Variants in SLC8A3 observed in about 807,000 individuals in gnomAD.
SLC8A3 encodes solute carrier family 8 member A3.
Under a neutral mutation model 65.4 loss-of-function variants are expected in SLC8A3, and 37 were observed. The ratio of observed to expected loss-of-function variants is 0.57; its 90% CI spans 0.44 to 0.74. The LOEUF is 0.74. Among genes scored for constraint, SLC8A3 ranks in the 30% least tolerant of loss-of-function variants. The probability of loss-of-function intolerance (pLI) is 0.00; values close to 1 mark genes in which losing one functional copy is unlikely to be tolerated. For synonymous variants in SLC8A3, 461 were observed against 444.5 expected (o/e 1.04, Z -0.47); for missense variants, 1,112 against 1,172.1 (o/e 0.95, Z 0.75).
At chr14:70,066,824 A>C (rs1490152322) in intron 2 of SLC8A3, among the ~76,000 whole-genome samples, 2 of 152,142 alleles carry the variant, frequency 1.3e-5, no homozygotes, top group Non-Finnish European at 2.9e-5. Context: ...GCAAAACAAA[A>C]CAAACAACAA....
chr14:70,095,382 T>C (rs1892101245), intron 2 of SLC8A3, among the ~76,000 whole-genome samples: 1 of 152,206 alleles, frequency 6.6e-6, no homozygotes, highest in African/African-American at 2.4e-5. Context: ...TGACCTAGCA[T>C]TGACACAAAG....
At chr14:70,098,460 T>A (rs1892338031) in intron 2 of SLC8A3, among the ~76,000 whole-genome samples, 2 of 152,154 alleles carry the variant, frequency 1.3e-5, no homozygotes, top group African/African-American at 4.8e-5. Context: ...GAAACAAGAT[T>A]CCTTTTGCCA....
rs370657159 is a variant in SLC8A3 at position 70,139,959 on chromosome 14, C to A, written c.1784+26680G>T. 1.8e-4 allele frequency among the ~76,000 whole-genome samples: 27 copies of A among 152,292 alleles called. No homozygotes were observed. The South Asian group carries it at 5.4e-3, about 30-fold the overall frequency. Reference sequence around the variant, plus strand: ...CTCTGCAAGTTCGTTGAATCATGAACTTGGTTAACATCAGAGTAGGGAGTT... The same window carrying A: ...CTCTGCAAGTTCGTTGAATCATGAAATTGGTTAACATCAGAGTAGGGAGTT... On this transcript the variant is annotated intron_variant, in intron 2 of 6. Coordinates refer to ENST00000356921, the MANE Select transcript of SLC8A3 (RefSeq NM_182932.3).
chr14:70,153,486 C>A (rs1405264023), intron 2 of SLC8A3, among the ~76,000 whole-genome samples: 2 of 152,140 alleles, frequency 1.3e-5, no homozygotes, highest in African/African-American at 4.8e-5. Context: ...TGACGCCAAA[C>A]TGAATCCCTG....
chr14:70,130,932 T>G (rs141675657), intron 2 of SLC8A3, among the ~76,000 whole-genome samples: 3 of 152,190 alleles, frequency 2.0e-5, no homozygotes, highest in Non-Finnish European at 4.4e-5. Context: ...TGGCTAGAGA[T>G]GCAGATTTGA....
At position 70,088,289 on chromosome 14, in the gene SLC8A3, C is replaced by G. The variant is rs529418970; in HGVS notation, c.1785-27350G>C. Among the ~76,000 whole-genome samples the G allele has an allele frequency of 1.1e-4, 17 of 152,232 alleles. No individual in the cohort carries two copies. The East Asian group carries it at 3.3e-3, about 29-fold the overall frequency. ...AAAGCCCCTTATCTAAATAGGAGTC[C>G]CTTGAGAATAGAATTCATCTAGGTA... On this transcript the variant is annotated intron_variant, in intron 2 of 6. Transcript: ENST00000356921.
intron 1 of SLC8A3, among the ~76,000 whole-genome samples, chr14:70,174,673 T>TG (rs1566833620): frequency 5.9e-4 from 74 of 125,974 alleles, no homozygotes; most frequent in Non-Finnish European, 8.3e-4. Context: ...TTTTTTTTTT[T>TG]TTTTTTTTTT....
chr14:70,154,753 A>G (rs1314516165), intron 2 of SLC8A3, among the ~76,000 whole-genome samples: 1 of 152,286 alleles, frequency 6.6e-6, no homozygotes, highest in East Asian at 1.9e-4. Flanking sequence ...TAATGGTTAC[A>G]TATGTTTTGT....
At chr14:70,174,425 C>G (rs1897738891) in intron 1 of SLC8A3, among the ~76,000 whole-genome samples, 1 of 152,134 alleles carries the variant, frequency 6.6e-6, no homozygotes, top group Non-Finnish European at 1.5e-5. Context: ...ATAGTTCCTT[C>G]CAGTCAAACA....
chr14:70,156,520 T>A (rs1032775853), intron 2 of SLC8A3, among the ~76,000 whole-genome samples: 1 of 152,196 alleles, frequency 6.6e-6, no homozygotes, highest in African/African-American at 2.4e-5. Context: ...GCCCCCTGGA[T>A]GGCCACTACT....
intron 2 of SLC8A3, among the ~76,000 whole-genome samples, chr14:70,094,915 A>G (rs941821537): frequency 1.3e-5 from 2 of 152,242 alleles, no homozygotes; most frequent in African/African-American, 4.8e-5. Flanking sequence ...GAGGAAATGA[A>G]GCAGACAGCA....
At chr14:70,083,485 G>C (rs1457203932) in intron 2 of SLC8A3, among the ~76,000 whole-genome samples, 1 of 152,226 alleles carries the variant, frequency 6.6e-6, no homozygotes, top group Non-Finnish European at 1.5e-5. Context: ...AAGAGAAAGA[G>C]AGGCAAGTCC....
At chr14:70,065,668 G>A (rs1346017660) in intron 2 of SLC8A3, among the ~76,000 whole-genome samples, 1 of 152,184 alleles carries the variant, frequency 6.6e-6, no homozygotes, top group African/African-American at 2.4e-5. Context: ...CAGGGTTTGT[G>A]TTCCCTATTA....
At chr14:70,059,264 G>C (rs1403670617) in intron 3 of SLC8A3, 4 of 152,262 alleles carry the variant, frequency 2.6e-5, no homozygotes, top group African/African-American at 9.6e-5. Context: ...GAGAAGGCCT[G>C]TAGAGAATCC....
chr14:70,099,598 T>A (rs1378109888), intron 2 of SLC8A3, among the ~76,000 whole-genome samples: 2 of 152,238 alleles, frequency 1.3e-5, no homozygotes, highest in African/African-American at 4.8e-5. Flanking sequence ...GGTCTACAAA[T>A]GTAGTTAGTA....
chr14:70,163,244 A>G (rs1003379701), intron 2 of SLC8A3, among the ~76,000 whole-genome samples: 2 of 152,242 alleles, frequency 1.3e-5, no homozygotes, highest in Non-Finnish European at 2.9e-5. Context: ...GTCCAACAAA[A>G]ACCTGGTACT....
At chr14:70,146,907 T>C (rs1174744939) in intron 2 of SLC8A3, among the ~76,000 whole-genome samples, 2 of 152,018 alleles carry the variant, frequency 1.3e-5, no homozygotes, top group African/African-American at 4.8e-5. Flanking sequence ...GCCTAGAGAG[T>C]TCAGAGTTAA....
At chr14:70,047,098 A>T (rs1276838825) in intron 6 of SLC8A3, 1 of 152,186 alleles carries the variant, frequency 6.6e-6, no homozygotes, top group East Asian at 1.9e-4. Flanking sequence ...ACCTTCAACT[A>T]TATCCAAAGA....
intron 2 of SLC8A3, among the ~76,000 whole-genome samples, chr14:70,071,598 T>G (rs770522652): frequency 1.3e-5 from 2 of 152,186 alleles, no homozygotes; most frequent in Non-Finnish European, 1.5e-5. Flanking sequence ...TGAATAAGGT[T>G]GGAAGCGTAT....
Sources: allele counts gnomAD v4.1 joint callset (sites outside exome capture counted in the v4.1 genomes callset), GRCh38; gene constraint gnomAD v4.1.1; transcripts MANE v1.5; gene names NCBI Gene and HGNC (gene_info 2026-07-23, HGNC 2026-07-21).